The following NCOA2 variants were observed in gnomAD, a reference collection of about 807,000 sequenced individuals.
NCOA2 encodes the protein nuclear receptor coactivator 2, also known as class E basic helix-loop-helix protein 75.
NCOA2 carries 21 observed loss-of-function variants against 145.1 expected under a neutral mutation model. That is an observed-to-expected ratio of 0.14 (90% CI 0.10 to 0.21). NCOA2 has a LOEUF of 0.21. NCOA2 is among the 10% of genes least tolerant of loss of function. NCOA2 has a pLI of 1.00. For synonymous variants in NCOA2, 619 were observed against 637.5 expected (o/e 0.97, Z 0.44); for missense variants, 1,472 against 1,837.6 (o/e 0.80, Z 3.64).
At position 70,112,487 on chromosome 8, in the gene NCOA2, G is replaced by T. The variant is rs1806628090; in HGVS notation, c.*1145C>A. The T allele has an allele frequency of 4.9e-6, 1 of 202,732 alleles. No individual in the cohort carries two copies. Among genetic ancestry groups the T allele is most frequent in the South Asian group, 1.9e-4 (1 of 5,256 alleles). 12.6% of individuals were successfully genotyped at this position (202,732 alleles called of 1,614,324 possible). A position where few individuals can be genotyped will look rare whatever the true frequency, so the allele number is the denominator to read the frequency against. On this transcript the variant is annotated 3_prime_UTR_variant, in exon 23 of 23. Transcript: ENST00000452400. Reference sequence around the variant, plus strand: ...AAAACACATGGCAGAGGTTAAATCTGTCGTGATATCTGCTATCAATTTAAA... The same window carrying T: ...AAAACACATGGCAGAGGTTAAATCTTTCGTGATATCTGCTATCAATTTAAA...
Position 70,222,724 on chromosome 8 carries a change from T to C in NCOA2, c.-19-5960A>G, listed in dbSNP as rs1003994202. On this transcript the variant is annotated intron_variant, in intron 2 of 22. Coordinates refer to ENST00000452400, the MANE Select transcript of NCOA2 (RefSeq NM_006540.4). ...AATCAAATAAATGGCTACATTCATG[T>C]TCACTGGTTACACAAATATTTTGCT... Among the ~76,000 whole-genome samples, 5 of 152,218 alleles carry C rather than the reference T, an allele frequency of 3.3e-5. No individual in the cohort carries two copies. In the East Asian group the frequency reaches 9.6e-4, roughly 29 times the overall value.
chr8:70,452,076 G>A, the NCOA2 span, among the ~76,000 whole-genome samples: 1 of 152,148 alleles, frequency 6.6e-6, no homozygotes. Context: ...CCAGGCTCAG[G>A]TGATCCTCCC....
the NCOA2 span, among the ~76,000 whole-genome samples, chr8:70,440,683 A>G: frequency 6.6e-6 from 1 of 151,444 alleles, no homozygotes; most frequent in Admixed American, 6.6e-5. Flanking sequence ...GAAAGAAAGA[A>G]AGAGAGAAAG....
chr8:70,389,687 C>T lies in NCOA2; in HGVS notation c.-77+14013G>A, dbSNP rs115715812. Among the ~76,000 whole-genome samples, 599 of 151,572 alleles carry T rather than the reference C, an allele frequency of 4.0e-3. 4 individuals carry two copies. Among genetic ancestry groups the T allele is most frequent in the African/African-American group, 0.014 (575 of 41,328 alleles). Reference sequence around the variant, plus strand: ...CATTTCAGGAAAACTTTTTTTTAGACGGCGGAGTTTTGCTCTTGTTGCCCA... The same window carrying T: ...CATTTCAGGAAAACTTTTTTTTAGATGGCGGAGTTTTGCTCTTGTTGCCCA... On this transcript the variant is annotated intron_variant, in intron 1 of 22. Transcript: ENST00000452400.
At chr8:70,313,504 T>C (rs1434728095) in intron 1 of NCOA2, among the ~76,000 whole-genome samples, 1 of 152,192 alleles carries the variant, frequency 6.6e-6, no homozygotes, top group Non-Finnish European at 1.5e-5. Flanking sequence ...GTAATAGTGG[T>C]AACTCGGGAA....
rs1037021666 is a variant in NCOA2 at position 70,131,953 on chromosome 8, C to A, written c.3208G>T (p.Ala1070Ser). Residue 1070 changes from alanine to serine, a missense_variant, in exon 16 of 23, where the codon GCT (alanine) becomes TCT (serine). Ala to Ser is a moderately conservative substitution (Grantham distance 99). This residue lies in a region of NCOA2 where 953 missense variants were observed against 1,062.1 expected (regional missense o/e 0.90). Transcript: ENST00000452400. ...GCTCCCTCATCACTCGGAGACTCAG[C>A]TGCAGGATGTGGACATAGCAAGTCA... ...PDDLLCPHPA[A>S]ESPSDEGALL... The A allele has an allele frequency of 3.1e-6, 5 of 1,612,130 alleles. No individual in the cohort carries two copies. The highest frequency in any genetic ancestry group is 4.2e-6 in the Non-Finnish European group (5 of 1,179,206).
chr8:70,144,776 A>G lies in NCOA2; in HGVS notation c.2678T>C (p.Leu893Ser). Residue 893 changes from leucine (L) to serine (S), a missense_variant, in exon 13 of 23, where the codon TTG (leucine) becomes TCG (serine). Around this residue, in one of 4 missense-constraint regions of NCOA2, gnomAD observed 953 missense variants for 1,062.1 expected, o/e 0.90. Coordinates refer to ENST00000452400, the MANE Select transcript of NCOA2 (RefSeq NM_006540.4). Reference sequence around the variant, plus strand: ...AGGTCCAGCACCAGTTGGGCTTTGCAATGTGATGTCAAGTGGTAAATTCTG... The same window carrying G: ...AGGTCCAGCACCAGTTGGGCTTTGCGATGTGATGTCAAGTGGTAAATTCTG... ...PNQNLPLDIT[L>S]QSPTGAGPFP... is the part of the protein sequence containing the mutation. The G allele has an allele frequency of 2.5e-6, 4 of 1,614,014 alleles. No individual in the cohort carries two copies. The South Asian group carries it at 4.4e-5, about 18-fold the overall frequency.
chr8:70,136,761 CTCT>C (rs753588245), intron 15 of NCOA2, among the ~76,000 whole-genome samples: 54 of 152,186 alleles, frequency 3.5e-4, no homozygotes, highest in Non-Finnish European at 6.9e-4. Flanking sequence ...AAAAGCACTG[CTCT>C]TCTTTTATTT....
chr8:70,166,770 G>A lies in NCOA2; in HGVS notation c.542-16C>T. The A allele has an allele frequency of 1.9e-6, 3 of 1,601,936 alleles. No homozygotes were observed. The highest frequency in any genetic ancestry group is 2.6e-6 in the Non-Finnish European group (3 of 1,173,752). On this transcript the variant is annotated splice_polypyrimidine_tract_variant and intron_variant, in intron 6 of 22. Coordinates refer to ENST00000452400, the MANE Select transcript of NCOA2 (RefSeq NM_006540.4). ...CCCCCATTTACTGAGCAAGGCAAAA[G>A]TAATCCAGTTTTACAAAGAAACAAA...
intron 21 of NCOA2, among the ~76,000 whole-genome samples, chr8:70,122,450 T>TCTTA (rs1359769578): frequency 2.7e-5 from 4 of 150,850 alleles, no homozygotes; most frequent in African/African-American, 9.8e-5. Context: ...AGAGACAGAG[T>TCTTA]CTTACTATGT....
chr8:70,410,803 C>T, the NCOA2 span, among the ~76,000 whole-genome samples: 174 of 152,222 alleles, frequency 1.1e-3, 4 homozygotes, highest in Admixed American at 8.0e-3. Flanking sequence ...AGTAGTCGTA[C>T]GGGTGCATTC....
intron 21 of NCOA2, among the ~76,000 whole-genome samples, chr8:70,123,231 T>C (rs953593808): frequency 1.3e-5 from 2 of 152,248 alleles, no homozygotes; most frequent in Non-Finnish European, 2.9e-5. Flanking sequence ...GTAAAAAGAA[T>C]AGTTTTTGGA....
At chr8:70,372,022 ATGT>A (rs1172886804) in intron 1 of NCOA2, among the ~76,000 whole-genome samples, 2 of 152,192 alleles carry the variant, frequency 1.3e-5, no homozygotes, top group Non-Finnish European at 2.9e-5. Context: ...TAGGGAAAAA[ATGT>A]TATTAGGCTA....
At chr8:70,402,376 A>C (rs1232322701) in intron 1 of NCOA2, 1 of 152,408 alleles carries the variant, frequency 6.6e-6, no homozygotes, top group African/African-American at 2.4e-5. Context: ...CGGGAGGCCC[A>C]GTCCAGCTCC....
intron 1 of NCOA2, among the ~76,000 whole-genome samples, chr8:70,328,353 C>T (rs1334865146): frequency 6.6e-6 from 1 of 152,178 alleles, no homozygotes; most frequent in African/African-American, 2.4e-5. Flanking sequence ...TTCTACAAGA[C>T]AATTTGTATG....
chr8:70,216,530 G>A lies in NCOA2; in HGVS notation c.86+130C>T, dbSNP rs561804940. The A allele has an allele frequency of 2.9e-4, 208 of 717,836 alleles. 1 individual carries two copies. The highest frequency in any genetic ancestry group is 4.6e-4 in the Non-Finnish European group (183 of 401,268). 44.5% of individuals were successfully genotyped at this position (717,836 alleles called of 1,614,324 possible). A position where few individuals can be genotyped will look rare whatever the true frequency, so the allele number is the denominator to read the frequency against. On this transcript the variant is annotated intron_variant, in intron 3 of 22. Transcript: ENST00000452400. ...AAATGTAAGCAAGTACATATTCAGA[G>A]ATTTAACTGTTAAGGAGAAAAACCA...
the NCOA2 span, among the ~76,000 whole-genome samples, chr8:70,418,886 G>A: frequency 6.6e-6 from 1 of 151,952 alleles, no homozygotes; most frequent in African/African-American, 2.4e-5. Flanking sequence ...TAGCAAACTT[G>A]CTCTAAAATG....
intron 4 of NCOA2, among the ~76,000 whole-genome samples, chr8:70,196,915 C>A (rs943460233): frequency 1.3e-5 from 2 of 152,148 alleles, no homozygotes; most frequent in African/African-American, 4.8e-5. Flanking sequence ...AAGGCCTCAA[C>A]CTTACTACTG....
At chr8:70,287,451 A>G (rs1826317975) in intron 2 of NCOA2, among the ~76,000 whole-genome samples, 1 of 152,194 alleles carries the variant, frequency 6.6e-6, no homozygotes, top group African/African-American at 2.4e-5. Flanking sequence ...AAAAGGTCCT[A>G]TATAGGCTTC....
Sources: gnomAD v4.1 joint callset for allele counts (sites outside exome capture counted in the v4.1 genomes callset) on GRCh38, gnomAD v4.1.1 for gene constraint, gnomAD v4.1.1 regional missense constraint, MANE v1.5 for transcripts, NCBI Gene and HGNC (gene_info 2026-07-23, HGNC 2026-07-21) for gene names.